Variants in TNR observed in about 807,000 individuals in gnomAD.
TNR encodes tenascin R.
Under a neutral mutation model 150.4 loss-of-function variants are expected in TNR, and 45 were observed. The observed-to-expected ratio is 0.30, with a 90% CI of 0.24 to 0.38. The LOEUF is 0.38. TNR is among the 10% of genes least tolerant of loss of function. The pLI, the probability that TNR is intolerant of heterozygous loss-of-function variation, is 1.00. For missense variants in TNR, 1,544 were observed against 1,759.1 expected (o/e 0.88, Z 2.19); for synonymous variants, 687 against 678.4 (o/e 1.01, Z -0.20).
rs1358756554 is a variant in TNR, at chr1:175,599,970, C to G, written c.-164-71601G>C. ...AGTGAGCCATATGATAGAGTAAAATCCCTTGCAGGACTTCCATTCGACTGC... is the reference window on the plus strand; with the variant it reads ...AGTGAGCCATATGATAGAGTAAAATGCCTTGCAGGACTTCCATTCGACTGC... On this transcript the variant is annotated intron_variant, in intron 1 of 22. Coordinates refer to ENST00000367674, the MANE Select transcript of TNR (RefSeq NM_003285.3). This position sits in a 1 kb window ranked among gnomAD's most constrained non-coding sequence, Gnocchi z 4.7. Among the ~76,000 whole-genome samples the G allele has an allele frequency of 6.6e-6, 1 of 152,188 alleles. No individual in the cohort carries two copies. The highest frequency in any genetic ancestry group is 1.5e-5 in the Non-Finnish European group (1 of 68,042).
chr1:175,732,434 TG>T (rs2101954911), intron 1 of TNR, among the ~76,000 whole-genome samples: 1 of 152,354 alleles, frequency 6.6e-6, no homozygotes, highest in East Asian at 1.9e-4. Flanking sequence ...TCACTTGCTT[TG>T]GACCTGGATT....
chr1:175,684,291 G>A (rs1392145879), intron 1 of TNR, among the ~76,000 whole-genome samples: 2 of 152,072 alleles, frequency 1.3e-5, no homozygotes, highest in Non-Finnish European at 2.9e-5. Context: ...CAGTCAAGAG[G>A]GTGCACAAAA....
At chr1:175,341,745 T>C (rs1200663557) in intron 18 of TNR, among the ~76,000 whole-genome samples, 2 of 152,260 alleles carry the variant, frequency 1.3e-5, no homozygotes, top group Admixed American at 6.5e-5. Flanking sequence ...CATTTGTCTC[T>C]GAAAACAGCC....
intron 2 of TNR, among the ~76,000 whole-genome samples, chr1:175,427,886 TTCGCTTCC>T (rs1487378768): frequency 1.8e-3 from 146 of 82,188 alleles, no homozygotes; most frequent in African/African-American, 8.0e-3. Flanking sequence ...CCCTCCCTTC[TTCGCTTCC>T]TTCCTTCCTT....
chr1:175,684,337 T>G (rs1321538257), intron 1 of TNR, among the ~76,000 whole-genome samples: 1 of 152,134 alleles, frequency 6.6e-6, no homozygotes, highest in East Asian at 1.9e-4. Context: ...CTCCCAGAAC[T>G]TACAGTTTAG....
At chr1:175,355,478 T>C in intron 17 of TNR, 25 bp downstream of exon 17, 3 of 1,612,116 alleles carry the variant, frequency 1.9e-6, no homozygotes, top group Non-Finnish European at 2.5e-6. Flanking sequence ...AGAAATGGTC[T>C]TTTCCCTTTC....
At chr1:175,542,565 A>G (rs1035892292) in intron 1 of TNR, among the ~76,000 whole-genome samples, 24 of 152,208 alleles carry the variant, frequency 1.6e-4, no homozygotes, top group Non-Finnish European at 3.4e-4. Context: ...AATAGAGGAT[A>G]AAGGCATTTC....
At chr1:175,634,193 G>A (rs2101875767) in intron 1 of TNR, among the ~76,000 whole-genome samples, 1 of 152,266 alleles carries the variant, frequency 6.6e-6, no homozygotes, top group Admixed American at 6.5e-5. Flanking sequence ...ATGGGGAGGA[G>A]GGCAGAGCTG....
chr1:175,461,930 C>T (rs1455756992), intron 2 of TNR, among the ~76,000 whole-genome samples: 2 of 152,194 alleles, frequency 1.3e-5, no homozygotes, highest in African/African-American at 2.4e-5. Context: ...TAGGCTCTGT[C>T]ACTTTAATAG....
intron 2 of TNR, among the ~76,000 whole-genome samples, chr1:175,456,002 C>A (rs528967267): frequency 1.3e-5 from 2 of 152,328 alleles, no homozygotes; most frequent in East Asian, 1.9e-4. Context: ...TTGTCCTGAG[C>A]AATCAAGATG....
chr1:175,671,888 C>T (rs1665707792), intron 1 of TNR, among the ~76,000 whole-genome samples: 1 of 144,622 alleles, frequency 6.9e-6, no homozygotes. Context: ...TCTCCTTATC[C>T]AAGGGAGTCT....
chr1:175,657,877 A>G (rs1490725384), intron 1 of TNR, among the ~76,000 whole-genome samples: 2 of 128,684 alleles, frequency 1.6e-5, no homozygotes, highest in African/African-American at 2.8e-5. Context: ...ATATATATAT[A>G]TATATATGTA....
intron 2 of TNR, among the ~76,000 whole-genome samples, chr1:175,461,979 C>T (rs959861463): frequency 2.0e-5 from 3 of 152,178 alleles, no homozygotes; most frequent in Admixed American, 1.3e-4. Flanking sequence ...TACTCTGCAA[C>T]CCTGGTTTCC....
intron 2 of TNR, among the ~76,000 whole-genome samples, chr1:175,453,652 C>T (rs1422797128): frequency 6.6e-6 from 1 of 152,116 alleles, no homozygotes; most frequent in Non-Finnish European, 1.5e-5. Flanking sequence ...CCTTGAGCTC[C>T]TGTGCTCCTC....
At chr1:175,359,869 C>G in intron 14 of TNR, 138 bp from the exon 15 acceptor site, 1 of 1,118,520 alleles carries the variant, frequency 8.9e-7, no homozygotes. Context: ...GAAACCTCTT[C>G]CCTTTCTCCT....
chr1:175,623,787 G>A (rs1256896682), intron 1 of TNR, among the ~76,000 whole-genome samples: 1 of 152,218 alleles, frequency 6.6e-6, no homozygotes, highest in Non-Finnish European at 1.5e-5. Context: ...GGGAAGAATT[G>A]ACATAGGAGT....
At chr1:175,529,946 A>G (rs1296890733) in intron 1 of TNR, among the ~76,000 whole-genome samples, 2 of 152,208 alleles carry the variant, frequency 1.3e-5, no homozygotes, top group Non-Finnish European at 2.9e-5. Context: ...ATTGTTACCT[A>G]TTTCTCCAAC....
intron 1 of TNR, among the ~76,000 whole-genome samples, chr1:175,541,648 A>C (rs528840004): frequency 2.0e-4 from 30 of 152,202 alleles, no homozygotes; most frequent in Non-Finnish European, 4.3e-4. Flanking sequence ...AAGACAGTTA[A>C]AGCATATTAA....
intron 1 of TNR, among the ~76,000 whole-genome samples, chr1:175,557,443 G>A (rs1661208408): frequency 6.6e-6 from 1 of 152,220 alleles, no homozygotes; most frequent in Non-Finnish European, 1.5e-5. Context: ...CAGTGTGTGA[G>A]GAGGATAACA....
Sources: allele counts gnomAD v4.1 joint callset (sites outside exome capture counted in the v4.1 genomes callset), GRCh38; gene constraint gnomAD v4.1.1; non-coding constraint Gnocchi (gnomAD v3.1); transcripts MANE v1.5; gene names NCBI Gene and HGNC (gene_info 2026-07-23, HGNC 2026-07-21).